The following KLF13 variants were observed in gnomAD, a reference collection of about 807,000 sequenced individuals.
KLF13 encodes the protein KLF transcription factor 13.
A neutral mutation model predicts 16.7 loss-of-function variants in KLF13; 8 were observed. The ratio of observed to expected loss-of-function variants is 0.48; its 90% CI spans 0.28 to 0.87. KLF13 has a LOEUF of 0.87. KLF13 is among the 40% of genes least tolerant of loss of function. The pLI is 0.10. For synonymous variants in KLF13, 245 were observed against 208.4 expected, an observed-to-expected ratio of 1.18 and a Z score of -1.51; for missense variants, 447 against 452.2, an observed-to-expected ratio of 0.99 and a Z score of 0.10.
rs562038628 is a variant in KLF13, at chr15:31,337,172, T to C, written c.577+9383T>C. Among the ~76,000 whole-genome samples the C allele has an allele frequency of 9.8e-5, 15 of 152,312 alleles. No homozygotes were observed. In the East Asian group the frequency reaches 2.5e-3, roughly 25 times the overall value. ...CCCCATGTCCCTCTCCCACTAGGCA[T>C]GCTAAGTGGCCTGCGGCAGGGCAGG... On this transcript the variant is annotated intron_variant, in intron 1 of 1. Transcript: ENST00000307145.
At position 31,327,451 on chromosome 15, in the gene KLF13, C is replaced by A; in HGVS notation, c.239C>A (p.Pro80Gln). ...AACCAGCAAGCGCCGGCGCCCGCCC[C>A]GGCGGAGCGCAGGGAGGGCGCCGCG... ...DLNQQAPAPA[P>Q]AERREGAAAR... Residue 80 changes from proline to glutamine, a missense_variant, in exon 1 of 2, where the codon CCG becomes CAG. Pro to Gln is a moderately conservative substitution (Grantham distance 76). Around this residue, in one of 2 missense-constraint regions of KLF13, gnomAD observed 359 missense variants for 282.8 expected, o/e 1.27. Coordinates refer to ENST00000307145, the MANE Select transcript of KLF13 (RefSeq NM_015995.4). 8.4e-7 allele frequency: 1 copy of A among 1,187,244 alleles called. No individual in the cohort carries two copies. Among genetic ancestry groups the A allele is most frequent in the Non-Finnish European group, 1.0e-6 (1 of 959,812 alleles). The allele number at this position is 1,187,244 out of a possible 1,614,324, so 73.5% of individuals were successfully genotyped here. A position where few individuals can be genotyped will look rare whatever the true frequency, so the allele number is the denominator to read the frequency against.
At chr15:31,342,190 C>T (rs556558871) in intron 1 of KLF13, among the ~76,000 whole-genome samples, 1 of 152,258 alleles carries the variant, frequency 6.6e-6, no homozygotes, top group East Asian at 1.9e-4. Context: ...TGCCCTGCAC[C>T]CTGTGTCAGT....
At chr15:31,411,031 G>T (rs1374870478) in intron 1 of KLF13, among the ~76,000 whole-genome samples, 6 of 152,144 alleles carry the variant, frequency 3.9e-5, no homozygotes, top group African/African-American at 1.4e-4. Context: ...ATGGTTAAAA[G>T]CTTTCTATAT....
intron 1 of KLF13, among the ~76,000 whole-genome samples, chr15:31,428,802 CAAAAAAA>C: frequency 1.6e-5 from 1 of 61,898 alleles, no homozygotes; most frequent in East Asian, 4.8e-4. Flanking sequence ...GACTCTATCT[CAAAAAAA>C]AAAAAAAAAA....
intron 1 of KLF13, among the ~76,000 whole-genome samples, chr15:31,331,573 TG>T (rs1287215787): frequency 6.6e-6 from 1 of 152,210 alleles, no homozygotes; most frequent in Non-Finnish European, 1.5e-5. Context: ...AGAGGGCATC[TG>T]GGTGGGATCT....
chr15:31,393,826 C>T (rs1408727941), intron 2 of KLF13: 4 of 152,330 alleles, frequency 2.6e-5, no homozygotes, highest in Non-Finnish European at 5.9e-5. Flanking sequence ...AAACAGAGGC[C>T]TCTATGGAGA....
chr15:31,340,820 G>A (rs1178042969), intron 1 of KLF13, among the ~76,000 whole-genome samples: 4 of 152,156 alleles, frequency 2.6e-5, no homozygotes, highest in African/African-American at 7.2e-5. Flanking sequence ...AGTGAGCCAC[G>A]ATCTTGCCAC....
At chr15:31,338,311 T>C (rs2038964245) in intron 1 of KLF13, among the ~76,000 whole-genome samples, 1 of 152,218 alleles carries the variant, frequency 6.6e-6, no homozygotes, top group Non-Finnish European at 1.5e-5. Flanking sequence ...TGTGCACGTG[T>C]ATGTGTATGT....
chr15:31,327,624 G>T lies in KLF13; in HGVS notation c.412G>T (p.Gly138Trp). The change falls in exon 1 of 2, where the codon GGG (glycine) becomes TGG (tryptophan). Residue 138 changes from glycine (G) to tryptophan (W), a missense_variant. Transcript: ENST00000307145. ...EAGLEPEREP[G>W]PAGSGEPGLR... ...GGGGCTGGAGCCCGAGCGGGAGCCGGGGCCCGCGGGGAGCGGCGAGCCCGG... is the reference window on the plus strand; with the variant it reads ...GGGGCTGGAGCCCGAGCGGGAGCCGTGGCCCGCGGGGAGCGGCGAGCCCGG... 1 of 1,355,632 alleles carries T rather than the reference G, an allele frequency of 7.4e-7. No homozygotes were observed. The highest frequency in any genetic ancestry group is 3.0e-5 in the Admixed American group (1 of 33,172). The allele number at this position is 1,355,632 out of a possible 1,614,324, so 84.0% of individuals were successfully genotyped here. A position where few individuals can be genotyped will look rare whatever the true frequency, so the allele number is the denominator to read the frequency against.
At chr15:31,433,216 G>A (rs1251837571) in intron 1 of KLF13, among the ~76,000 whole-genome samples, 1 of 152,166 alleles carries the variant, frequency 6.6e-6, no homozygotes. Flanking sequence ...TGAGTACTGT[G>A]CCCAATGGCC....
rs892255435 is a variant in KLF13 at position 31,372,498 on chromosome 15, A to T, written c.*199A>T. The T allele has an allele frequency of 6.8e-6, 4 of 588,440 alleles. No homozygotes were observed. In the African/African-American group the frequency reaches 7.7e-5, roughly 11 times the overall value. The allele number at this position is 588,440 out of a possible 1,614,324, so 36.5% of individuals were successfully genotyped here. A position where few individuals can be genotyped will look rare whatever the true frequency, so the allele number is the denominator to read the frequency against. On this transcript the variant is annotated 3_prime_UTR_variant, in exon 2 of 2. Coordinates refer to ENST00000307145, the MANE Select transcript of KLF13 (RefSeq NM_015995.4). ...AAAAACACCACCCACCAAATTGCAC[A>T]ATAGATACACCCACAAAGTTGAGAT...
rs558479508 is a variant in KLF13, at chr15:31,421,127, G to A, written n.118-14243G>A. Among the ~76,000 whole-genome samples, 16 of 151,986 alleles carry A rather than the reference G, an allele frequency of 1.1e-4. No homozygotes were observed. The South Asian group carries it at 2.1e-3, about 20-fold the overall frequency. On this transcript the variant is annotated intron_variant and non_coding_transcript_variant, in intron 1 of 1. Coordinates refer to the KLF13 transcript ENST00000558225. ...GTTTTTGTCTTTTAAATTAAGCCTC[G>A]GTTGAGCCATTGTGATGTATATTAA...
chr15:31,341,641 A>G (rs187956796), intron 1 of KLF13, among the ~76,000 whole-genome samples: 75 of 149,826 alleles, frequency 5.0e-4, no homozygotes, highest in African/African-American at 1.6e-3. Flanking sequence ...GGCTCACACT[A>G]TCTTCACAGC....
intron 1 of KLF13, among the ~76,000 whole-genome samples, chr15:31,365,865 G>A (rs1420646176): frequency 6.6e-6 from 1 of 152,144 alleles, no homozygotes; most frequent in Non-Finnish European, 1.5e-5. Flanking sequence ...GGGCTCAGCT[G>A]AAGGAGAGAG....
At chr15:31,402,928 T>G (rs1433995698) in intron 2 of KLF13, among the ~76,000 whole-genome samples, 2 of 147,836 alleles carry the variant, frequency 1.4e-5, no homozygotes, top group African/African-American at 5.4e-5. Context: ...TGAACTGTTT[T>G]CTTCTTTCGT....
At chr15:31,405,779 G>A (rs567208797), downstream of KLF13, among the ~76,000 whole-genome samples, 1 of 152,286 alleles carries the variant, frequency 6.6e-6, no homozygotes, top group African/African-American at 2.4e-5. Flanking sequence ...GGGACCCTTG[G>A]CAGCTATCTG....
chr15:31,387,603 G>C (rs189514569), intron 1 of KLF13, among the ~76,000 whole-genome samples: 5 of 152,300 alleles, frequency 3.3e-5, no homozygotes, highest in Non-Finnish European at 5.9e-5. Flanking sequence ...ATATCTTTGA[G>C]GTCTGCCTGT....
intron 1 of KLF13, among the ~76,000 whole-genome samples, chr15:31,351,796 G>C (rs752318565): frequency 1.3e-5 from 2 of 152,122 alleles, no homozygotes. Context: ...CAGATCTTGA[G>C]GTCAGGAGTT....
At chr15:31,370,050 T>C (rs866200135) in intron 1 of KLF13, among the ~76,000 whole-genome samples, 2,303 of 149,916 alleles carry the variant, frequency 0.015, 39 homozygotes, top group African/African-American at 0.042. Context: ...TTTTCTTTTT[T>C]TTTTTTTTTT....
Sources: allele counts gnomAD v4.1 joint callset (sites outside exome capture counted in the v4.1 genomes callset), GRCh38; gene constraint gnomAD v4.1.1; regional missense constraint gnomAD v4.1.1; transcripts MANE v1.5; gene names NCBI Gene and HGNC (gene_info 2026-07-23, HGNC 2026-07-21).